ZNF385D: variants seen among roughly 807,000 people sequenced by gnomAD.
ZNF385D encodes the protein zinc finger protein 385D.
Under a neutral mutation model 35.8 loss-of-function variants are expected in ZNF385D, and 15 were observed. That is an observed-to-expected ratio of 0.42 (90% confidence interval 0.28 to 0.64). The LOEUF (loss-of-function observed/expected upper bound fraction) is 0.64, where lower values mean the gene tolerates loss of function less well. ZNF385D is among the 30% of genes least tolerant of loss of function. The pLI is 0.23. For synonymous variants in ZNF385D, 212 were observed against 186.8 expected, an observed-to-expected ratio of 1.13 and a Z score of -1.10; for missense variants, 474 against 494.6, an observed-to-expected ratio of 0.96 and a Z score of 0.39.
intron 3 of ZNF385D, among the ~76,000 whole-genome samples, chr3:21,891,664 T>A (rs958266437): frequency 8.5e-5 from 13 of 152,240 alleles, no homozygotes; most frequent in African/African-American, 2.2e-4. Context: ...AATGTCCAGT[T>A]AATATTCTAA....
intron 2 of ZNF385D, among the ~76,000 whole-genome samples, chr3:22,302,184 T>C (rs979220779): frequency 5.3e-5 from 8 of 152,068 alleles, no homozygotes; most frequent in African/African-American, 1.9e-4. Flanking sequence ...GTATCCTCTC[T>C]TGACAAATTT....
At chr3:21,784,016 G>T (rs546976312) in intron 3 of ZNF385D, among the ~76,000 whole-genome samples, 1 of 152,150 alleles carries the variant, frequency 6.6e-6, no homozygotes, top group African/African-American at 2.4e-5. Flanking sequence ...ACAGACTGCA[G>T]TACAGTGTTA....
At chr3:21,957,394 GA>G (rs1467448637) in intron 3 of ZNF385D, among the ~76,000 whole-genome samples, 2 of 152,088 alleles carry the variant, frequency 1.3e-5, no homozygotes, top group Non-Finnish European at 2.9e-5. Flanking sequence ...AAAAAGACAG[GA>G]AAATATGGGA....
chr3:21,682,717 G>C (rs912132098), intron 1 of ZNF385D, among the ~76,000 whole-genome samples: 3 of 149,754 alleles, frequency 2.0e-5, no homozygotes, highest in Non-Finnish European at 4.5e-5. Context: ...TCCTGAGCAG[G>C]AGAAGACAAA....
intron 2 of ZNF385D, among the ~76,000 whole-genome samples, chr3:22,231,964 T>C (rs1456677324): frequency 1.3e-5 from 2 of 152,154 alleles, no homozygotes; most frequent in Non-Finnish European, 2.9e-5. Context: ...ACGTGCCTCC[T>C]TCCCCTTTGC....
At chr3:21,975,072 T>C (rs967716509) in intron 3 of ZNF385D, among the ~76,000 whole-genome samples, 2 of 152,220 alleles carry the variant, frequency 1.3e-5, no homozygotes, top group Non-Finnish European at 2.9e-5. Flanking sequence ...GCTAGGTATG[T>C]ACCCAAAAGA....
chr3:22,365,433 A>T (rs1696611315), intron 2 of ZNF385D, among the ~76,000 whole-genome samples: 1 of 152,086 alleles, frequency 6.6e-6, no homozygotes, highest in African/African-American at 2.4e-5. Flanking sequence ...TCATTAGCTG[A>T]TATTTCTATG....
intron 1 of ZNF385D, among the ~76,000 whole-genome samples, chr3:21,747,976 T>G (rs2069859863): frequency 6.6e-6 from 1 of 152,208 alleles, no homozygotes; most frequent in Non-Finnish European, 1.5e-5. Context: ...CCACTCAGGT[T>G]GCTGACTGAG....
intron 1 of ZNF385D, among the ~76,000 whole-genome samples, chr3:21,668,601 A>G (rs1033016257): frequency 6.6e-6 from 1 of 152,172 alleles, no homozygotes; most frequent in Non-Finnish European, 1.5e-5. Flanking sequence ...AACCTATAGC[A>G]CTGATATTGA....
At chr3:21,784,160 A>G (rs2071598210) in intron 3 of ZNF385D, among the ~76,000 whole-genome samples, 1 of 152,206 alleles carries the variant, frequency 6.6e-6, no homozygotes, top group Non-Finnish European at 1.5e-5. Context: ...GTCTGCCAAG[A>G]ATAAAACTTT....
Position 21,425,582 on chromosome 3 carries a change from A to G in ZNF385D, c.762T>C (p.Pro254=), listed in dbSNP as rs767801307. Residue 254 remains proline, a synonymous_variant, in exon 6 of 8, where the codon CCT becomes CCC. Coordinates refer to ENST00000281523, the MANE Select transcript of ZNF385D (RefSeq NM_024697.3). ...FPRAGVKGKG[P]VNKGNTGLQN... The stretch of plus-strand genomic sequence containing the variant: ...GGAGGCCTGTGTTTCCTTTATTAAC[A>G]GGTCCTTTGCCTTTCACTCCTGCCC... 1.9e-6 allele frequency: 3 copies of G among 1,611,170 alleles called. No homozygotes were observed. Among genetic ancestry groups the G allele is most frequent in the South Asian group, 2.2e-5 (2 of 90,356 alleles).
intron 1 of ZNF385D, among the ~76,000 whole-genome samples, chr3:21,732,400 A>C (rs2069063044): frequency 6.6e-6 from 1 of 151,984 alleles, no homozygotes; most frequent in Non-Finnish European, 1.5e-5. Flanking sequence ...TTCAGGGTAA[A>C]TACCAAGAAA....
At chr3:21,804,117 A>G (rs1247230759) in intron 3 of ZNF385D, among the ~76,000 whole-genome samples, 1 of 152,236 alleles carries the variant, frequency 6.6e-6, no homozygotes, top group African/African-American at 2.4e-5. Flanking sequence ...GAAAAATAAA[A>G]GTGTGTAAAT....
chr3:22,109,359 G>T (rs1414890919), intron 3 of ZNF385D, among the ~76,000 whole-genome samples: 3 of 152,068 alleles, frequency 2.0e-5, no homozygotes, highest in Admixed American at 2.0e-4. Flanking sequence ...CCTTGTACAT[G>T]GACATTTAAT....
chr3:21,963,730 C>G (rs1350323481), intron 3 of ZNF385D, among the ~76,000 whole-genome samples: 1 of 152,008 alleles, frequency 6.6e-6, no homozygotes, highest in Non-Finnish European at 1.5e-5. Context: ...ATTGTGATAA[C>G]CTAATAATAA....
At chr3:21,779,640 T>G (rs539519619) in intron 3 of ZNF385D, among the ~76,000 whole-genome samples, 2 of 152,070 alleles carry the variant, frequency 1.3e-5, no homozygotes, top group East Asian at 3.9e-4. Flanking sequence ...GGTAAGAAAT[T>G]AACATTTACT....
chr3:22,371,162 A>G (rs1696886001), intron 2 of ZNF385D, among the ~76,000 whole-genome samples: 1 of 152,212 alleles, frequency 6.6e-6, no homozygotes, highest in Non-Finnish European at 1.5e-5. Flanking sequence ...AGACCAGAGT[A>G]GTGTGACTGA....
chr3:21,814,892 A>T (rs1025020847), intron 3 of ZNF385D, among the ~76,000 whole-genome samples: 2 of 152,312 alleles, frequency 1.3e-5, no homozygotes, highest in African/African-American at 2.4e-5. Context: ...TCTTCTCAGC[A>T]CTACATCACA....
intron 3 of ZNF385D, among the ~76,000 whole-genome samples, chr3:22,165,240 G>T (rs1016143398): frequency 2.0e-5 from 3 of 152,188 alleles, no homozygotes; most frequent in African/African-American, 4.8e-5. Context: ...AGTGCGGAAG[G>T]CTGTGTGTGA....
Sources: gnomAD v4.1 joint callset for allele counts (sites outside exome capture counted in the v4.1 genomes callset) on GRCh38, gnomAD v4.1.1 for gene constraint, MANE v1.5 for transcripts, NCBI Gene and HGNC (gene_info 2026-07-23, HGNC 2026-07-21) for gene names.